The following CD53 variants were observed in gnomAD, a reference collection of about 807,000 sequenced individuals.
CD53 encodes the protein leukocyte surface antigen CD53.
CD53 carries 20 observed loss-of-function variants against 27.3 expected under a neutral mutation model. That is an observed-to-expected ratio of 0.73 (90% CI 0.52 to 1.07). The LOEUF (loss-of-function observed/expected upper bound fraction) is 1.07. CD53 is among the 50% of genes least tolerant of loss of function. The pLI is 0.00. For synonymous variants in CD53, 106 were observed against 105.3 expected, an observed-to-expected ratio of 1.01 and a Z score of -0.04; for missense variants, 216 against 264.0, an observed-to-expected ratio of 0.82 and a Z score of 1.26.
intron 5 of CD53, among the ~76,000 whole-genome samples, 188 bp downstream of exon 5, chr1:110,895,243 C>T: frequency 6.6e-6 from 1 of 152,214 alleles, no homozygotes; most frequent in East Asian, 1.9e-4. Flanking sequence ...AAGTTCTCTA[C>T]ATTCTCTCTT....
intron 3 of CD53, among the ~76,000 whole-genome samples, chr1:110,893,025 C>T (rs1656917425): frequency 6.6e-6 from 1 of 152,198 alleles, no homozygotes; most frequent in Non-Finnish European, 1.5e-5. Flanking sequence ...TAGGTGAGGG[C>T]TCTGGCTGCA....
At chr1:110,896,181 C>G (rs962834163) in intron 5 of CD53, among the ~76,000 whole-genome samples, 1 of 152,156 alleles carries the variant, frequency 6.6e-6, no homozygotes, top group Non-Finnish European at 1.5e-5. Flanking sequence ...GTTGCTTCCT[C>G]GAGTATTTTG....
chr1:110,897,698 G>GC lies in CD53; in HGVS notation c.505-109dup. ...AAGAAAATAAAAATATAATACCTAAGCCTCTTTGTATTACATAAAGCAAAA... is the reference window on the plus strand; with the variant it reads ...AAGAAAATAAAAATATAATACCTAAGCCCTCTTTGTATTACATAAAGCAAAA... On this transcript the variant is annotated intron_variant, in intron 6 of 7. Coordinates refer to ENST00000271324, the MANE Select transcript of CD53 (RefSeq NM_000560.4). 8.1e-6 allele frequency: 5 copies of GC among 614,900 alleles called. No homozygotes were observed. In the South Asian group the frequency reaches 1.1e-4, roughly 13 times the overall value. The allele number at this position is 614,900 out of a possible 1,614,324, so 38.1% of individuals were successfully genotyped here.
chr1:110,879,243 T>G (rs1024163815), intron 1 of CD53, among the ~76,000 whole-genome samples: 1 of 152,222 alleles, frequency 6.6e-6, no homozygotes, highest in Non-Finnish European at 1.5e-5. Flanking sequence ...TGAGCCATCC[T>G]GGAAATAGTA....
intron 1 of CD53, among the ~76,000 whole-genome samples, chr1:110,878,356 G>A (rs1191670635): frequency 3.9e-5 from 6 of 152,132 alleles, no homozygotes; most frequent in Non-Finnish European, 7.3e-5. Context: ...ACTGCCACAG[G>A]CTCTGTGTAG....
chr1:110,883,494 A>C (rs1656439682), intron 1 of CD53, among the ~76,000 whole-genome samples: 2 of 152,064 alleles, frequency 1.3e-5, no homozygotes, highest in South Asian at 2.1e-4. Context: ...TCTGAGGAAC[A>C]TTGGCCCGTG....
At chr1:110,893,161 T>A (rs1339332651) in intron 3 of CD53, among the ~76,000 whole-genome samples, 2 of 152,260 alleles carry the variant, frequency 1.3e-5, no homozygotes, top group Non-Finnish European at 2.9e-5. Context: ...CACTGAGCTC[T>A]ACATTTCTGT....
At chr1:110,898,186 G>A (rs1657147188) in intron 7 of CD53, among the ~76,000 whole-genome samples, 1 of 151,950 alleles carries the variant, frequency 6.6e-6, no homozygotes, top group Non-Finnish European at 1.5e-5. Flanking sequence ...GACCATCCTG[G>A]CTAACATGGT....
intron 2 of CD53, among the ~76,000 whole-genome samples, chr1:110,891,962 C>T (rs1021046605): frequency 4.6e-4 from 70 of 152,172 alleles, no homozygotes; most frequent in Admixed American, 1.3e-4. Context: ...TAGTTTTCTG[C>T]CTAGCAAGAT....
rs374502140 is a variant in CD53 at position 110,887,934 on chromosome 1, C to T, written c.-17-3458C>T. On this transcript the variant is annotated intron_variant, in intron 1 of 7. Coordinates refer to ENST00000271324, the MANE Select transcript of CD53 (RefSeq NM_000560.4). Reference sequence around the variant, plus strand: ...GAAGTTGTGATTAAATCAAACATCTCGAAATGGGGTGATTATCCTGGATTA... The same window carrying T: ...GAAGTTGTGATTAAATCAAACATCTTGAAATGGGGTGATTATCCTGGATTA... Among the ~76,000 whole-genome samples, 4 of 152,090 alleles carry T rather than the reference C, an allele frequency of 2.6e-5. No homozygotes were observed. In the South Asian group the frequency reaches 6.2e-4, roughly 24 times the overall value.
intron 5 of CD53, 146 bp from the exon 6 acceptor site, chr1:110,896,507 G>A (rs1204982847): frequency 4.4e-6 from 3 of 686,676 alleles, no homozygotes; most frequent in East Asian, 2.6e-5. Context: ...AAAGCACTTT[G>A]TTTTAAGGAG....
At chr1:110,894,289 G>C (rs1368594870) in intron 3 of CD53, 38 bp from the exon 4 acceptor site, 13 of 1,579,078 alleles carry the variant, frequency 8.2e-6, no homozygotes, top group Admixed American at 1.7e-5. Flanking sequence ...GACGAGAATG[G>C]GGATCAGTGC....
intron 1 of CD53, among the ~76,000 whole-genome samples, chr1:110,881,226 T>C (rs1289522906): frequency 6.6e-6 from 1 of 152,116 alleles, no homozygotes; most frequent in African/African-American, 2.4e-5. Context: ...TCTCTCACCC[T>C]TCCCTGCTCC....
intron 7 of CD53, among the ~76,000 whole-genome samples, chr1:110,898,222 A>G (rs1657149289): frequency 6.6e-6 from 1 of 151,962 alleles, no homozygotes; most frequent in Non-Finnish European, 1.5e-5. Context: ...CTAAAAATAC[A>G]AAAAATTAAC....
intron 1 of CD53, among the ~76,000 whole-genome samples, chr1:110,888,265 G>A (rs574341712): frequency 1.3e-5 from 2 of 152,228 alleles, no homozygotes; most frequent in Non-Finnish European, 2.9e-5. Context: ...ATAGGAAACT[G>A]ATGCAAGCAC....
At chr1:110,894,543 G>C (rs1339789110) in intron 4 of CD53, 142 bp downstream of exon 4, 2 of 624,264 alleles carry the variant, frequency 3.2e-6, no homozygotes, top group Non-Finnish European at 2.8e-6. Context: ...GAGAGTAATT[G>C]TAATTGGGGG....
chr1:110,871,240 A>T (rs540190363), upstream of CD53, among the ~76,000 whole-genome samples: 5 of 152,302 alleles, frequency 3.3e-5, no homozygotes, highest in East Asian at 9.6e-4. Context: ...CTTGAAGGAC[A>T]CTGGGATCCT....
At chr1:110,890,159 G>C (rs921103484) in intron 1 of CD53, among the ~76,000 whole-genome samples, 8 of 152,058 alleles carry the variant, frequency 5.3e-5, no homozygotes, top group African/African-American at 1.9e-4. Flanking sequence ...CACTGGAAAA[G>C]GCATAATTTT....
chr1:110,871,321 A>G (rs940508182), upstream of CD53, among the ~76,000 whole-genome samples: 2 of 152,184 alleles, frequency 1.3e-5, no homozygotes, highest in Admixed American at 1.3e-4. Flanking sequence ...GGTTTGAGAA[A>G]TATTTAGGCA....
Sources: allele counts gnomAD v4.1 joint callset (sites outside exome capture counted in the v4.1 genomes callset), GRCh38; gene constraint gnomAD v4.1.1; transcripts MANE v1.5; gene names NCBI Gene and HGNC (gene_info 2026-07-23, HGNC 2026-07-21).